Variants in NEGR1 observed in about 807,000 individuals in gnomAD.
NEGR1 encodes the protein IgLON family member 4.
Under a neutral mutation model 40.9 loss-of-function variants are expected in NEGR1, and 10 were observed. The observed-to-expected ratio is 0.24, with a 90% CI of 0.15 to 0.42. NEGR1 has a LOEUF of 0.42. NEGR1 is among the 10% of genes least tolerant of loss of function. The probability of loss-of-function intolerance (pLI) is 1.00; values close to 1 mark genes in which losing one functional copy is unlikely to be tolerated. For synonymous variants in NEGR1, 185 were observed against 166.8 expected (o/e 1.11, Z -0.84); for missense variants, 352 against 438.9 (o/e 0.80, Z 1.77).
chr1:72,150,868 TAAC>T (rs1557551833), intron 1 of NEGR1, among the ~76,000 whole-genome samples: 1 of 152,104 alleles, frequency 6.6e-6, no homozygotes, highest in Non-Finnish European at 1.5e-5. Flanking sequence ...AATATTATAA[TAAC>T]AACACAAAGC....
intron 6 of NEGR1, among the ~76,000 whole-genome samples, chr1:71,549,421 C>T (rs77580624): frequency 3.3e-5 from 5 of 151,618 alleles, no homozygotes; most frequent in African/African-American, 1.2e-4. Flanking sequence ...AGAAGCCCCA[C>T]GATCAAAATT....
At chr1:72,160,859 G>A (rs546279566) in intron 1 of NEGR1, among the ~76,000 whole-genome samples, 1 of 152,146 alleles carries the variant, frequency 6.6e-6, no homozygotes. Context: ...GCTAAGATTT[G>A]GATTTTAATT....
chr1:72,239,635 C>T (rs149078477), intron 1 of NEGR1, among the ~76,000 whole-genome samples: 31 of 151,498 alleles, frequency 2.0e-4, no homozygotes, highest in African/African-American at 5.3e-4. Flanking sequence ...CTCAATATAA[C>T]GATAAAAAAT....
intron 2 of NEGR1, among the ~76,000 whole-genome samples, chr1:71,852,340 T>C (rs568981698): frequency 1.3e-5 from 2 of 152,288 alleles, no homozygotes; most frequent in South Asian, 2.1e-4. Flanking sequence ...GAACAGCAGA[T>C]ACAAATATTT....
chr1:72,175,065 C>T (rs1278463582), intron 1 of NEGR1, among the ~76,000 whole-genome samples: 1 of 151,990 alleles, frequency 6.6e-6, no homozygotes, highest in Non-Finnish European at 1.5e-5. Flanking sequence ...GTGCTGCACC[C>T]ATTAACTCGT....
chr1:71,688,936 G>T (rs1312896660), intron 4 of NEGR1, among the ~76,000 whole-genome samples: 1 of 152,008 alleles, frequency 6.6e-6, no homozygotes, highest in East Asian at 1.9e-4. Flanking sequence ...TGAGAAATTA[G>T]CTAATTTCCC....
chr1:72,000,894 A>G (rs995429233), intron 1 of NEGR1, among the ~76,000 whole-genome samples: 1 of 152,132 alleles, frequency 6.6e-6, no homozygotes, highest in Admixed American at 6.6e-5. Context: ...CTTTCAAACA[A>G]AAGGACAGCC....
intron 2 of NEGR1, among the ~76,000 whole-genome samples, chr1:71,777,268 C>T (rs1557648520): frequency 6.6e-6 from 1 of 152,022 alleles, no homozygotes; most frequent in African/African-American, 2.4e-5. Flanking sequence ...GAGCAGGAGA[C>T]AATAATAGTA....
At chr1:72,173,658 A>T (rs538938006) in intron 1 of NEGR1, among the ~76,000 whole-genome samples, 6 of 152,086 alleles carry the variant, frequency 3.9e-5, no homozygotes, top group African/African-American at 1.4e-4. Flanking sequence ...AAATAATATG[A>T]AGACCGACAT....
At chr1:71,800,893 CA>C (rs1202452275) in intron 2 of NEGR1, among the ~76,000 whole-genome samples, 4 of 152,148 alleles carry the variant, frequency 2.6e-5, no homozygotes, top group African/African-American at 9.7e-5. Context: ...ACCTCTTGAG[CA>C]ATCTTTTCTG....
intron 1 of NEGR1, among the ~76,000 whole-genome samples, chr1:72,056,054 C>A (rs934629862): frequency 3.3e-5 from 5 of 150,848 alleles, no homozygotes; most frequent in African/African-American, 1.2e-4. Flanking sequence ...ATTATTCTTG[C>A]CAAATTGGTA....
chr1:71,732,270 G>A (rs1169466958), intron 3 of NEGR1, among the ~76,000 whole-genome samples: 2 of 152,062 alleles, frequency 1.3e-5, no homozygotes, highest in African/African-American at 2.4e-5. Context: ...ATTGCAAGCC[G>A]AGATTGTAGC....
chr1:71,749,786 C>T (rs951892157), intron 3 of NEGR1, among the ~76,000 whole-genome samples: 8 of 152,138 alleles, frequency 5.3e-5, no homozygotes, highest in Non-Finnish European at 1.2e-4. Context: ...ATTTTCTCCT[C>T]CAGCATTTTA....
At chr1:71,899,723 G>A (rs1468673018) in intron 2 of NEGR1, among the ~76,000 whole-genome samples, 1 of 151,880 alleles carries the variant, frequency 6.6e-6, no homozygotes, top group African/African-American at 2.4e-5. Flanking sequence ...TTATAGTTGG[G>A]AATGACTCTG....
rs557197801 is a variant in NEGR1 at position 71,420,747 on chromosome 1, A to C, written c.941-13177T>G. Reference sequence around the variant, plus strand: ...ATTTTAAGTTTAATGCCTTTTCCAGAATATTGCACTGCTCACATGAATTTG... The same window carrying C: ...ATTTTAAGTTTAATGCCTTTTCCAGCATATTGCACTGCTCACATGAATTTG... On this transcript the variant is annotated intron_variant, in intron 6 of 6. Transcript: ENST00000357731. Among the ~76,000 whole-genome samples the C allele has an allele frequency of 3.9e-5, 6 of 152,168 alleles. No homozygotes were observed. The South Asian group carries it at 1.2e-3, about 32-fold the overall frequency.
intron 1 of NEGR1, among the ~76,000 whole-genome samples, chr1:72,062,323 A>T (rs1435438822): frequency 6.6e-6 from 1 of 151,848 alleles, no homozygotes; most frequent in Admixed American, 6.6e-5. Context: ...AGGCAGAATT[A>T]ATCACTCCTC....
chr1:72,137,633 A>G (rs1435412622), intron 1 of NEGR1, among the ~76,000 whole-genome samples: 1 of 152,108 alleles, frequency 6.6e-6, no homozygotes, highest in Non-Finnish European at 1.5e-5. Context: ...ATCTAATGTA[A>G]ATGACAAGTT....
intron 6 of NEGR1, among the ~76,000 whole-genome samples, chr1:71,532,750 G>A (rs1462388764): frequency 1.3e-5 from 2 of 151,530 alleles, no homozygotes; most frequent in Admixed American, 1.3e-4. Context: ...AGACATTAGA[G>A]CAGTACCGCA....
At chr1:71,560,070 C>A (rs1304736353) in intron 6 of NEGR1, among the ~76,000 whole-genome samples, 1 of 150,934 alleles carries the variant, frequency 6.6e-6, no homozygotes, top group East Asian at 2.0e-4. Flanking sequence ...TTACTAGTCA[C>A]TAAGAGGTCA....
Sources: gnomAD v4.1 joint callset for allele counts (sites outside exome capture counted in the v4.1 genomes callset) on GRCh38, gnomAD v4.1.1 for gene constraint, MANE v1.5 for transcripts, NCBI Gene and HGNC (gene_info 2026-07-23, HGNC 2026-07-21) for gene names.